Variants in ANKRD28 observed in about 807,000 individuals in gnomAD.
The protein encoded by ANKRD28 is serine/threonine-protein phosphatase 6 regulatory ankyrin repeat subunit A.
A neutral mutation model predicts 126.5 loss-of-function variants in ANKRD28; 44 were observed. That is an observed-to-expected ratio of 0.35 (90% CI 0.27 to 0.45). The LOEUF (loss-of-function observed/expected upper bound fraction) is 0.45. Among genes scored for constraint, ANKRD28 ranks in the 20% least tolerant of loss-of-function variants. ANKRD28 has a pLI of 1.00. For missense variants in ANKRD28, 1,110 were observed against 1,316.6 expected, an observed-to-expected ratio of 0.84 and a Z score of 2.43; for synonymous variants, 442 against 468.5, an observed-to-expected ratio of 0.94 and a Z score of 0.73.
Position 15,796,709 on chromosome 3 carries a change from T to A in ANKRD28, c.-188A>T. 1.0e-6 allele frequency: 1 copy of A among 984,618 alleles called. No homozygotes were observed. The highest frequency in any genetic ancestry group is 1.2e-6 in the Non-Finnish European group (1 of 824,852). 61.0% of individuals were successfully genotyped at this position (984,618 alleles called of 1,614,324 possible). ...CAAGTTTAAAATTATGACTACATAA[T>A]TTGTAACTTCCTAAATATAACGAAA... is the stretch of plus-strand genomic sequence containing the variant. On this transcript the variant is annotated 5_prime_UTR_variant, in exon 1 of 28. Transcript: ENST00000683139.
chr3:15,813,322 C>T lies in ANKRD28; in HGVS notation c.28-18016G>A, dbSNP rs73042047. On this transcript the variant is annotated intron_variant, in intron 1 of 27. Transcript: ENST00000399451. ...TTGAGGCTGCAGTCAGCCCTGATCA[C>T]ATGCCGCTGCACTCCAGTCTGGGCA... is the stretch of plus-strand genomic sequence containing the variant. Among the ~76,000 whole-genome samples the T allele has an allele frequency of 5.5e-3, 840 of 152,262 alleles. 7 individuals carry two copies. Among genetic ancestry groups the T allele is most frequent in the Middle Eastern group, 0.014 (4 of 294 alleles).
chr3:15,850,242 G>T (rs1418258859), intron 1 of ANKRD28, among the ~76,000 whole-genome samples: 23 of 130,184 alleles, frequency 1.8e-4, no homozygotes, highest in African/African-American at 5.5e-4. Flanking sequence ...GAGAGAGAGA[G>T]AGAGAGAGAG....
rs1165146364 is a variant in ANKRD28, at chr3:15,675,981, T to C, written c.2882A>G (p.His961Arg). 6.2e-7 allele frequency: 1 copy of C among 1,612,388 alleles called. No individual in the cohort carries two copies. The highest frequency in any genetic ancestry group is 1.7e-5 in the Admixed American group (1 of 59,978). Residue 961 changes from histidine to arginine, a missense_variant, in exon 27 of 28, where the codon CAT becomes CGT. By Grantham distance (29) the His-to-Arg change is conservative. Transcript: ENST00000683139. ...ATNAALQTPL[H>R]VAARNGLTMV... ...TGTTAGCCCATTTCGGGCAGCAACA[T>C]GCAGAGGTCTAGGGGAAAAAACATG...
At chr3:15,689,798 C>A in intron 18 of ANKRD28, 1 of 484,078 alleles carries the variant, frequency 2.1e-6, no homozygotes, top group South Asian at 3.2e-5. Context: ...ATTTAAGTTC[C>A]CTGAACACTG....
chr3:15,858,526 T>C (rs1371387569), intron 1 of ANKRD28, among the ~76,000 whole-genome samples: 1 of 152,220 alleles, frequency 6.6e-6, no homozygotes, highest in African/African-American at 2.4e-5. Context: ...ATCCAAGTTA[T>C]TTTCCCTTCA....
At chr3:15,673,525 A>G (rs1476501857) in intron 27 of ANKRD28, among the ~76,000 whole-genome samples, 1 of 152,244 alleles carries the variant, frequency 6.6e-6, no homozygotes, top group Non-Finnish European at 1.5e-5. Flanking sequence ...ACATAACAAA[A>G]AAGTACATTA....
chr3:15,677,149 G>A, intron 25 of ANKRD28, 93 bp from the exon 26 acceptor site: 2 of 963,876 alleles, frequency 2.1e-6, no homozygotes, highest in South Asian at 2.7e-5. Context: ...CATATATTAT[G>A]TACAACACCA....
At chr3:15,704,281 C>A (rs1164292060) in intron 14 of ANKRD28, among the ~76,000 whole-genome samples, 1 of 151,862 alleles carries the variant, frequency 6.6e-6, no homozygotes, top group East Asian at 1.9e-4. Context: ...GGGTAACAAG[C>A]AGAATGACTA....
intron 27 of ANKRD28, among the ~76,000 whole-genome samples, chr3:15,675,265 C>T (rs545696164): frequency 6.9e-4 from 105 of 152,032 alleles, no homozygotes; most frequent in African/African-American, 2.5e-3. Flanking sequence ...AGCTAGACTC[C>T]GTCTCAAAAA....
At position 15,839,208 on chromosome 3, in the gene ANKRD28, G is replaced by A. The variant is rs2061383274; in HGVS notation, c.27+20169C>T. Among the ~76,000 whole-genome samples, 1 of 151,842 alleles carries A rather than the reference G, an allele frequency of 6.6e-6. No individual in the cohort carries two copies. Among genetic ancestry groups the A allele is most frequent in the Admixed American group, 6.6e-5 (1 of 15,260 alleles). On this transcript the variant is annotated intron_variant, in intron 1 of 27. Transcript: ENST00000399451. The surrounding 1 kb of genome is among the most constrained non-coding windows in gnomAD (Gnocchi z 4.3). ...GAGTGCAAAATTCTTTAAATTTACT[G>A]AAAACAAATTGCACTCAAGACATTT...
chr3:15,798,769 G>GT (rs939344964), upstream of ANKRD28, among the ~76,000 whole-genome samples: 17 of 151,552 alleles, frequency 1.1e-4, no homozygotes, highest in African/African-American at 3.6e-4. Context: ...TCATTTCATC[G>GT]TTTTTTTTCT....
chr3:15,701,260 A>G (rs1327039235), intron 14 of ANKRD28, among the ~76,000 whole-genome samples: 1 of 152,192 alleles, frequency 6.6e-6, no homozygotes. Context: ...CTTCATTGTA[A>G]TATCTTCAAT....
At chr3:15,807,452 G>C (rs1426469508) in intron 1 of ANKRD28, among the ~76,000 whole-genome samples, 1 of 152,178 alleles carries the variant, frequency 6.6e-6, no homozygotes, top group African/African-American at 2.4e-5. Flanking sequence ...AAATGCCATG[G>C]ACATACAAGA....
At chr3:15,755,743 T>C (rs1334621514) in intron 3 of ANKRD28, among the ~76,000 whole-genome samples, 2 of 152,208 alleles carry the variant, frequency 1.3e-5, no homozygotes, top group Non-Finnish European at 2.9e-5. Context: ...CATAATCACA[T>C]GCCCTCTACA....
chr3:15,776,585 A>ATTATAAAAAT lies in ANKRD28; in HGVS notation c.202-10283_202-10274dup, dbSNP rs1448704291. On this transcript the variant is annotated intron_variant, in intron 2 of 27. Coordinates refer to ENST00000683139, the MANE Select transcript of ANKRD28 (RefSeq NM_001349278.2). ...ATTATAAAGAAAACCAGAAGAGACT[A>ATTATAAAAAT]TTATAAAAATTTACGGGTAACACTG... is the stretch of plus-strand genomic sequence containing the variant. Among the ~76,000 whole-genome samples the ATTATAAAAAT allele has an allele frequency of 4.5e-4, 68 of 152,176 alleles. 1 individual carries two copies. The highest frequency in any genetic ancestry group is 1.0e-4 in the Non-Finnish European group (7 of 68,020).
intron 1 of ANKRD28, among the ~76,000 whole-genome samples, chr3:15,823,109 A>G (rs1050831949): frequency 2.0e-5 from 3 of 152,222 alleles, no homozygotes; most frequent in African/African-American, 7.2e-5. Flanking sequence ...GGTGTTGTGA[A>G]AGACAATTTT....
In ANKRD28 at chr3:15,694,457, A is replaced by G. The variant is rs565181214; in HGVS notation, c.1761+282T>C. 4.6e-5 allele frequency among the ~76,000 whole-genome samples: 7 copies of G among 151,460 alleles called. No homozygotes were observed. The East Asian group carries it at 1.4e-3, about 29-fold the overall frequency. On this transcript the variant is annotated intron_variant, in intron 17 of 27. Transcript: ENST00000683139. The stretch of plus-strand genomic sequence containing the variant: ...ATTCACCATCACAGGCATATTCTCC[A>G]TATTTTCTCCCTTTCTCTCCCCAGA...
Position 15,695,175 on chromosome 3 carries a change from G to T in ANKRD28, c.1686+13C>A, listed in dbSNP as rs2069354521. Reference sequence around the variant, plus strand: ...CAATACTAATTGGTGGGAGGGAATTGACTAATACTTACAACATCTAGAGGA... The same window carrying T: ...CAATACTAATTGGTGGGAGGGAATTTACTAATACTTACAACATCTAGAGGA... On this transcript the variant is annotated intron_variant, in intron 16 of 27. Transcript: ENST00000683139. The T allele has an allele frequency of 6.3e-7, 1 of 1,589,476 alleles. No individual in the cohort carries two copies. The highest frequency in any genetic ancestry group is 1.1e-5 in the South Asian group (1 of 88,022).
At chr3:15,813,633 T>C (rs1168597971) in intron 1 of ANKRD28, among the ~76,000 whole-genome samples, 1 of 152,194 alleles carries the variant, frequency 6.6e-6, no homozygotes, top group Non-Finnish European at 1.5e-5. Flanking sequence ...GAATCTGACA[T>C]AAGAAGCCTA....
Sources: gnomAD v4.1 joint callset for allele counts (sites outside exome capture counted in the v4.1 genomes callset) on GRCh38, gnomAD v4.1.1 for gene constraint, Gnocchi (gnomAD v3.1) non-coding constraint, MANE v1.5 for transcripts, NCBI Gene and HGNC (gene_info 2026-07-23, HGNC 2026-07-21) for gene names.